The following WDFY2 variants were observed in gnomAD, a reference collection of about 807,000 sequenced individuals.
The protein encoded by WDFY2 is WD repeat and FYVE domain-containing protein 2.
WDFY2 carries 36 observed loss-of-function variants against 56.4 expected under a neutral mutation model. The observed-to-expected ratio is 0.64, with a 90% CI of 0.49 to 0.84. The LOEUF is 0.84. Ranked by LOEUF, WDFY2 falls within the 40% of genes least tolerant of loss-of-function variation. The pLI is 0.00. For synonymous variants in WDFY2, 176 were observed against 183.7 expected (o/e 0.96, Z 0.34); for missense variants, 444 against 512.2 (o/e 0.87, Z 1.29).
In WDFY2 at chr13:51,718,187, G is replaced by A. The variant is rs1339259752; in HGVS notation, c.335-1011G>A. Among the ~76,000 whole-genome samples the A allele has an allele frequency of 3.3e-5, 5 of 152,282 alleles. No homozygotes were observed. The East Asian group carries it at 9.6e-4, about 29-fold the overall frequency. On this transcript the variant is annotated intron_variant, in intron 4 of 11. Transcript: ENST00000298125. ...ACCTCACCACAGTCATGATGAGTGT[G>A]TTCATGCCCCATCAGACTGCCAGCC...
intron 5 of WDFY2, among the ~76,000 whole-genome samples, chr13:51,725,500 C>T (rs1297332360): frequency 2.6e-5 from 4 of 152,022 alleles, no homozygotes; most frequent in Admixed American, 1.3e-4. Context: ...CCAGCCTGGG[C>T]AACAAAGTGA....
intron 6 of WDFY2, 67 bp downstream of exon 6, chr13:51,727,857 A>G: frequency 1.4e-6 from 2 of 1,436,934 alleles, no homozygotes; most frequent in South Asian, 1.2e-5. Flanking sequence ...GCATCTCCTG[A>G]TGTTCAGATA....
chr13:51,702,241 G>A (rs1952000140), intron 3 of WDFY2, among the ~76,000 whole-genome samples: 1 of 151,970 alleles, frequency 6.6e-6, no homozygotes, highest in African/African-American at 2.4e-5. Context: ...GAACCTGGGA[G>A]GCAGAGGTTG....
At chr13:51,657,986 T>C (rs926175900) in intron 1 of WDFY2, among the ~76,000 whole-genome samples, 1 of 152,242 alleles carries the variant, frequency 6.6e-6, no homozygotes, top group Non-Finnish European at 1.5e-5. Flanking sequence ...CTGTCAATTT[T>C]CTGTGAATTT....
In WDFY2 at chr13:51,761,613, T is replaced by G. The variant is rs1953584888; in HGVS notation, c.*1844T>G. 6.6e-6 allele frequency: 1 copy of G among 152,182 alleles called. No individual in the cohort carries two copies. Among genetic ancestry groups the G allele is most frequent in the African/African-American group, 2.4e-5 (1 of 41,454 alleles). The allele number at this position is 152,182 out of a possible 1,614,324, so 9.4% of individuals were successfully genotyped here. A position where few individuals can be genotyped will look rare whatever the true frequency, so the allele number is the denominator to read the frequency against. On this transcript the variant is annotated 3_prime_UTR_variant, in exon 12 of 12. Transcript: ENST00000298125. ...TTGAAATCCTCCCTATTATTTTCCCTCTTTTCCTGGAAAGCCGTTTTTTGC... is the reference window on the plus strand; with the variant it reads ...TTGAAATCCTCCCTATTATTTTCCCGCTTTTCCTGGAAAGCCGTTTTTTGC...
At chr13:51,608,959 T>C (rs1337313034) in intron 1 of WDFY2, among the ~76,000 whole-genome samples, 2 of 152,114 alleles carry the variant, frequency 1.3e-5, no homozygotes, top group Non-Finnish European at 2.9e-5. Context: ...TCTACAAATA[T>C]CATTGGCTGT....
intron 1 of WDFY2, among the ~76,000 whole-genome samples, chr13:51,623,186 T>C (rs1274712555): frequency 4.0e-5 from 6 of 151,650 alleles, no homozygotes; most frequent in Admixed American, 1.3e-4. Flanking sequence ...AATGATACAA[T>C]TTATGTTACT....
chr13:51,702,554 C>T (rs986243009), intron 3 of WDFY2, among the ~76,000 whole-genome samples: 12 of 152,124 alleles, frequency 7.9e-5, no homozygotes, highest in African/African-American at 2.7e-4. Flanking sequence ...TGTATATTCT[C>T]TCACATCATC....
chr13:51,670,004 C>T (rs1362413515), intron 2 of WDFY2, among the ~76,000 whole-genome samples: 1 of 152,162 alleles, frequency 6.6e-6, no homozygotes, highest in Non-Finnish European at 1.5e-5. Context: ...ACTTCACTCA[C>T]CCTTTGGAGA....
intron 1 of WDFY2, among the ~76,000 whole-genome samples, chr13:51,598,905 C>CTTTTTTTTT (rs569169884): frequency 8.6e-6 from 1 of 115,780 alleles, no homozygotes; most frequent in Non-Finnish European, 1.8e-5. Flanking sequence ...GTGCCATTTA[C>CTTTTTTTTT]TTTTTTTTTT....
intron 1 of WDFY2, among the ~76,000 whole-genome samples, chr13:51,636,043 CATCT>C (rs1186422411): frequency 2.0e-5 from 3 of 152,294 alleles, no homozygotes; most frequent in African/African-American, 7.2e-5. Context: ...GAAGTTTCAT[CATCT>C]TTTTTTTCAA....
intron 3 of WDFY2, among the ~76,000 whole-genome samples, chr13:51,698,970 T>C (rs1184437550): frequency 2.6e-5 from 4 of 152,338 alleles, no homozygotes; most frequent in Non-Finnish European, 5.9e-5. Flanking sequence ...ACAAATGCAA[T>C]AGACAAAAAG....
intron 6 of WDFY2, among the ~76,000 whole-genome samples, chr13:51,733,651 A>G (rs552093953): frequency 9.2e-5 from 14 of 152,302 alleles, no homozygotes; most frequent in Non-Finnish European, 1.9e-4. Context: ...AGTCCCTTGG[A>G]AAGCTGACTT....
At chr13:51,614,150 C>A (rs1954559099) in intron 1 of WDFY2, among the ~76,000 whole-genome samples, 1 of 143,964 alleles carries the variant, frequency 6.9e-6, no homozygotes, top group Admixed American at 7.3e-5. Flanking sequence ...CGTGCCACTG[C>A]ACCCCAGCCT....
intron 2 of WDFY2, among the ~76,000 whole-genome samples, chr13:51,662,055 C>G (rs944404021): frequency 1.3e-5 from 2 of 152,030 alleles, no homozygotes; most frequent in African/African-American, 4.8e-5. Context: ...ACTGCAACCT[C>G]CACCTCCCGG....
At chr13:51,628,618 C>T (rs1473299957) in intron 1 of WDFY2, among the ~76,000 whole-genome samples, 6 of 152,224 alleles carry the variant, frequency 3.9e-5, no homozygotes, top group Admixed American at 2.0e-4. Flanking sequence ...CGGCACCCCC[C>T]CTGCTGCAGC....
chr13:51,632,892 A>C (rs1188664814), intron 1 of WDFY2, among the ~76,000 whole-genome samples: 1 of 152,176 alleles, frequency 6.6e-6, no homozygotes, highest in Non-Finnish European at 1.5e-5. Context: ...TTGGTAACTG[A>C]AATATGCTTT....
chr13:51,705,900 C>T (rs540814291), intron 4 of WDFY2, among the ~76,000 whole-genome samples: 57 of 152,192 alleles, frequency 3.7e-4, no homozygotes, highest in Middle Eastern at 3.4e-3. Context: ...CCTCAGCTTA[C>T]CAAGATATTT....
intron 2 of WDFY2, among the ~76,000 whole-genome samples, chr13:51,670,676 A>G (rs775534033): frequency 3.3e-5 from 5 of 152,194 alleles, no homozygotes; most frequent in Non-Finnish European, 7.3e-5. Flanking sequence ...GTTGTAGAAC[A>G]GTAAGATTTC....
Sources: gnomAD v4.1 joint callset for allele counts (sites outside exome capture counted in the v4.1 genomes callset) on GRCh38, gnomAD v4.1.1 for gene constraint, MANE v1.5 for transcripts, NCBI Gene and HGNC (gene_info 2026-07-23, HGNC 2026-07-21) for gene names.